Variants in CAPN14 observed in about 807,000 individuals in gnomAD.
CAPN14 encodes the protein calpain 14, also known as calpain-14.
A neutral mutation model predicts 101.3 loss-of-function variants in CAPN14; 94 were observed. The observed-to-expected ratio is 0.93, with a 90% CI of 0.79 to 1.10. The LOEUF (loss-of-function observed/expected upper bound fraction) is 1.10, where lower values mean the gene tolerates loss of function less well. Ranked by LOEUF, CAPN14 falls within the 50% of genes least tolerant of loss-of-function variation. The probability of loss-of-function intolerance (pLI) is 0.00; values close to 1 mark genes in which losing one functional copy is unlikely to be tolerated. For synonymous variants in CAPN14, 338 were observed against 317.9 expected (o/e 1.06, Z -0.67); for missense variants, 837 against 828.4 (o/e 1.01, Z -0.13).
At chr2:31,218,806 T>C (rs190892374), upstream of CAPN14, among the ~76,000 whole-genome samples, 413 of 152,280 alleles carry the variant, frequency 2.7e-3, 1 homozygote, top group Middle Eastern at 6.8e-3. Context: ...CAAGGAATTG[T>C]CTCCCTGCCA....
At chr2:31,205,155 T>G (rs898822856) in intron 2 of CAPN14, 68 bp downstream of exon 2, 29 of 1,360,778 alleles carry the variant, frequency 2.1e-5, no homozygotes, top group Non-Finnish European at 2.8e-5. Context: ...CCCATATATC[T>G]TAGGCGCAGT....
chr2:31,221,823 T>C (rs899636676), upstream of CAPN14, among the ~76,000 whole-genome samples: 12 of 152,172 alleles, frequency 7.9e-5, no homozygotes, highest in Non-Finnish European at 1.5e-5. Context: ...TTGCGACTGA[T>C]GCCCAGAAGA....
intron 3 of CAPN14, among the ~76,000 whole-genome samples, chr2:31,202,795 T>C (rs1173336077): frequency 2.0e-5 from 3 of 152,204 alleles, no homozygotes; most frequent in Admixed American, 2.0e-4. Context: ...GAGCACATTT[T>C]CCAAATTTAA....
rs1682020899 is a variant in CAPN14, at chr2:31,205,396, A to C, written c.52T>G (p.Ser18Ala). 2 of 1,551,422 alleles carry C rather than the reference A, an allele frequency of 1.3e-6. No homozygotes were observed. Among genetic ancestry groups the C allele is most frequent in the African/African-American group, 2.7e-5 (2 of 73,014 alleles). ...GGTTGCTGTGGAGACGCCCTCCTAG[A>C]GTACCTTGGCGCCAGCTTCCATCTG... is the stretch of plus-strand genomic sequence containing the variant. ...RCRWKLAPRY[S>A]RRASPQQPQQ... The change falls in exon 2 of 22, where the codon TCT becomes GCT. Residue 18 changes from serine to alanine, a missense_variant. Transcript: ENST00000403897.
intron 11 of CAPN14, 138 bp from the exon 12 acceptor site, chr2:31,191,545 C>A: frequency 1.3e-6 from 1 of 775,978 alleles, no homozygotes; most frequent in Non-Finnish European, 2.0e-6. Flanking sequence ...AGCCGTGTCC[C>A]CTCCCACAAG....
chr2:31,203,105 T>TACTATCCCC lies in CAPN14; in HGVS notation c.259_260insGGGGATAGT (p.Lys87delinsArgGlyTer). On this transcript the variant is annotated stop_gained and protein_altering_variant, in exon 3 of 22. Transcript: ENST00000403897. LOFTEE classifies it high-confidence loss of function. ...CTGGCACAGATCCAGCCTTTTGGCC[T>TACTATCCCC]TGGCAAAATAAAACTGGGGATTGCT... The TACTATCCCC allele has an allele frequency of 1.3e-6, 2 of 1,551,674 alleles. No individual in the cohort carries two copies. Among genetic ancestry groups the TACTATCCCC allele is most frequent in the Middle Eastern group, 1.7e-4 (1 of 5,988 alleles).
chr2:31,213,640 A>C lies in CAPN14; in HGVS notation c.-53+3816T>G, dbSNP rs1682506229. Among the ~76,000 whole-genome samples, 4 of 152,374 alleles carry C rather than the reference A, an allele frequency of 2.6e-5. No individual in the cohort carries two copies. In the South Asian group the frequency reaches 8.3e-4, roughly 32 times the overall value. On this transcript the variant is annotated intron_variant, in intron 1 of 21. Coordinates refer to ENST00000403897, the MANE Select transcript of CAPN14 (RefSeq NM_001145122.2). ...CCATCATTAAGAATTTATCTTAATG[A>C]AACAATTTTATCTCTAATTGATTCG...
rs1291873990 is a variant in CAPN14, at chr2:31,176,650, A to C, written c.1973-8T>G. On this transcript the variant is annotated splice_region_variant and splice_polypyrimidine_tract_variant and intron_variant, in intron 20 of 21. Coordinates refer to ENST00000403897, the MANE Select transcript of CAPN14 (RefSeq NM_001145122.2). ...TTAAGTTTTGGAAGACATCTGTGAA[A>C]ATGCAGCAGAAAGGAATACAGCTAA... The C allele has an allele frequency of 6.4e-7, 1 of 1,550,428 alleles. No individual in the cohort carries two copies. Among genetic ancestry groups the C allele is most frequent in the South Asian group, 1.2e-5 (1 of 84,050 alleles).
At chr2:31,211,349 A>AT (rs1682393289) in intron 1 of CAPN14, among the ~76,000 whole-genome samples, 2 of 152,292 alleles carry the variant, frequency 1.3e-5, no homozygotes, top group African/African-American at 4.8e-5. Flanking sequence ...CTAAGAAAAT[A>AT]TTTTTTAAAA....
intron 3 of CAPN14, 139 bp downstream of exon 3, chr2:31,202,931 C>G: frequency 6.1e-6 from 4 of 652,168 alleles, no homozygotes; most frequent in Non-Finnish European, 1.1e-5. Flanking sequence ...GTCCAGGTAG[C>G]GTTTTGCCAG....
chr2:31,207,177 T>C (rs1682141591), intron 1 of CAPN14, among the ~76,000 whole-genome samples: 1 of 152,190 alleles, frequency 6.6e-6, no homozygotes. Context: ...CCCTCATGGC[T>C]GTAGGAGTGA....
In CAPN14 at chr2:31,177,019, A is replaced by C; in HGVS notation, c.1972+7T>G. On this transcript the variant is annotated splice_region_variant and intron_variant, in intron 20 of 21. Coordinates refer to ENST00000403897, the MANE Select transcript of CAPN14 (RefSeq NM_001145122.2). ...ACCTGGCCCTCCCCAGCTTCCCGCC[A>C]GCTTACCCTCCATGTTCTCTACACG... is the stretch of plus-strand genomic sequence containing the variant. 1 of 1,547,168 alleles carries C rather than the reference A, an allele frequency of 6.5e-7. No homozygotes were observed. Among genetic ancestry groups the C allele is most frequent in the East Asian group, 2.4e-5 (1 of 40,882 alleles).
chr2:31,205,067 C>A (rs537714034), intron 2 of CAPN14, among the ~76,000 whole-genome samples, 156 bp downstream of exon 2: 88 of 152,238 alleles, frequency 5.8e-4, no homozygotes, highest in African/African-American at 2.1e-3. Flanking sequence ...GTGGGGAAAA[C>A]CTCCTACACA....
intron 7 of CAPN14, among the ~76,000 whole-genome samples, chr2:31,197,592 G>A (rs565910722): frequency 6.6e-6 from 1 of 152,274 alleles, no homozygotes; most frequent in South Asian, 2.1e-4. Context: ...TGGGTTGAAT[G>A]GTGATCTTCC....
intron 14 of CAPN14, 104 bp from the exon 15 acceptor site, chr2:31,187,918 G>A: frequency 2.2e-6 from 2 of 893,220 alleles, no homozygotes; most frequent in South Asian, 3.3e-5. Flanking sequence ...AAATCCATGA[G>A]CTTGACTTTG....
At chr2:31,203,017 G>A (rs1366981236) in intron 3 of CAPN14, 53 bp downstream of exon 3, 3 of 1,452,276 alleles carry the variant, frequency 2.1e-6, no homozygotes, top group Non-Finnish European at 2.8e-6. Context: ...GTCTTGGCCA[G>A]GCCTGGTCAG....
intron 2 of CAPN14, among the ~76,000 whole-genome samples, chr2:31,204,378 G>T (rs1681961938): frequency 6.6e-6 from 1 of 152,182 alleles, no homozygotes; most frequent in African/African-American, 2.4e-5. Context: ...AACCTCTAGA[G>T]TGATAAGAGT....
upstream of CAPN14, among the ~76,000 whole-genome samples, chr2:31,220,856 A>G (rs1037990386): frequency 1.3e-5 from 2 of 152,136 alleles, no homozygotes; most frequent in African/African-American, 4.8e-5. Context: ...TTGGTTATAC[A>G]TTTTCAAAAC....
intron 16 of CAPN14, 115 bp from the exon 17 acceptor site, chr2:31,181,115 T>G: frequency 3.9e-6 from 3 of 770,140 alleles, no homozygotes; most frequent in Admixed American, 2.4e-5. Flanking sequence ...TGTATGTACG[T>G]GGGCTGGGAA....
Sources: gnomAD v4.1 joint callset for allele counts (sites outside exome capture counted in the v4.1 genomes callset) on GRCh38, gnomAD v4.1.1 for gene constraint, MANE v1.5 for transcripts, NCBI Gene and HGNC (gene_info 2026-07-23, HGNC 2026-07-21) for gene names.